Variants in PPIG observed in about 807,000 individuals in gnomAD.
PPIG encodes peptidyl-prolyl cis-trans isomerase G.
Under a neutral mutation model 87.9 loss-of-function variants are expected in PPIG, and 26 were observed. The observed-to-expected ratio is 0.30, with a 90% CI of 0.22 to 0.41. The LOEUF (loss-of-function observed/expected upper bound fraction) is 0.41, where lower values mean the gene tolerates loss of function less well. Among genes scored for constraint, PPIG ranks in the 10% least tolerant of loss-of-function variants. The pLI is 1.00. For missense variants in PPIG, 722 were observed against 879.4 expected (o/e 0.82, Z 2.26); for synonymous variants, 308 against 276.5 (o/e 1.11, Z -1.13).
At chr2:169,628,845 C>T (rs1011988772) in intron 9 of PPIG, among the ~76,000 whole-genome samples, 5 of 149,648 alleles carry the variant, frequency 3.3e-5, no homozygotes, top group African/African-American at 9.9e-5. Context: ...ACTCAGGAGG[C>T]CGAGACAGAA....
At chr2:169,614,342 C>T in intron 7 of PPIG, 122 bp from the exon 8 acceptor site, 2 of 840,422 alleles carry the variant, frequency 2.4e-6, no homozygotes, top group Non-Finnish European at 1.9e-6. Flanking sequence ...ATTAAGATAG[C>T]AGTTGATGTC....
At chr2:169,590,125 C>T (rs1425199563) in intron 1 of PPIG, among the ~76,000 whole-genome samples, 1 of 103,522 alleles carries the variant, frequency 9.7e-6, no homozygotes, top group Non-Finnish European at 2.0e-5. Flanking sequence ...ACAACGACAA[C>T]AACCAAAAAA....
At chr2:169,636,061 A>C (rs761386927) in intron 12 of PPIG, 31 bp from the exon 13 acceptor site, 1 of 1,549,970 alleles carries the variant, frequency 6.5e-7, no homozygotes, top group Admixed American at 1.8e-5. Flanking sequence ...ACTTCTATAC[A>C]TTAATTTTTC....
At chr2:169,626,487 A>AG (rs1275146328) in intron 9 of PPIG, among the ~76,000 whole-genome samples, 1 of 151,346 alleles carries the variant, frequency 6.6e-6, no homozygotes. Context: ...TCCGCCTCCC[A>AG]GTTCAAGAGA....
At chr2:169,620,346 A>C (rs1001516744) in intron 9 of PPIG, among the ~76,000 whole-genome samples, 1 of 151,424 alleles carries the variant, frequency 6.6e-6, no homozygotes, top group Admixed American at 6.6e-5. Context: ...TCCTTTCCCC[A>C]TTGTGTGTTC....
rs1191207337 is a variant in PPIG at position 169,631,870 on chromosome 2, A to G, written c.866A>G (p.Lys289Arg). 1.9e-6 allele frequency: 3 copies of G among 1,612,338 alleles called. No individual in the cohort carries two copies. The highest frequency in any genetic ancestry group is 2.5e-6 in the Non-Finnish European group (3 of 1,178,700). Residue 289 changes from lysine (K) to arginine (R), a missense_variant, in exon 11 of 14, where the codon AAA (lysine) becomes AGA (arginine). This residue lies in a region of PPIG where 142 missense variants were observed against 152.8 expected (regional missense o/e 0.93). Transcript: ENST00000260970. ...CCTGAAAATAGATTCCTAATGAGAAAAAGTCCTCCTAAAGCTGATGAGAAG... is the reference window on the plus strand; with the variant it reads ...CCTGAAAATAGATTCCTAATGAGAAGAAGTCCTCCTAAAGCTGATGAGAAG... The part of the protein sequence containing the change: ...PIPENRFLMR[K>R]SPPKADEKER...
intron 6 of PPIG, among the ~76,000 whole-genome samples, chr2:169,608,470 A>G (rs55888182): frequency 0.034 from 5,091 of 151,906 alleles, 134 homozygotes; most frequent in South Asian, 0.049. Flanking sequence ...AGCCTGGGCA[A>G]CAGAGCGAGA....
At chr2:169,609,688 A>G (rs1396286552) in intron 7 of PPIG, among the ~76,000 whole-genome samples, 1 of 152,158 alleles carries the variant, frequency 6.6e-6, no homozygotes, top group Admixed American at 6.5e-5. Context: ...ATGATTAAAT[A>G]ATGAGAGAGA....
chr2:169,590,880 G>A (rs1012042738), intron 1 of PPIG, among the ~76,000 whole-genome samples: 15 of 152,056 alleles, frequency 9.9e-5, no homozygotes, highest in African/African-American at 2.2e-4. Context: ...GGTGGCTCAC[G>A]CCTTTAGTCC....
rs1376297572 is a variant in PPIG at position 169,613,834 on chromosome 2, G to C, written c.378-630G>C. Among the ~76,000 whole-genome samples the C allele has an allele frequency of 5.3e-5, 8 of 152,204 alleles. 1 individual carries two copies. The highest frequency in any genetic ancestry group is 1.3e-4 in the Admixed American group (2 of 15,282). ...CCAGCTACTTGGGATGCTGAGGCAG[G>C]AGGATAGCTTGAGCCCAGAATGTTC... is the stretch of plus-strand genomic sequence containing the variant. On this transcript the variant is annotated intron_variant, in intron 7 of 13. Coordinates refer to ENST00000260970, the MANE Select transcript of PPIG (RefSeq NM_004792.3).
rs73025328 is a variant in PPIG at position 169,630,081 on chromosome 2, C to G, written c.548-693C>G. ...CAATTTGTAGTATCTTCTTCTAATT[C>G]TTGTTATGTTACACCTTCTAGCTTC... On this transcript the variant is annotated intron_variant, in intron 9 of 13. Transcript: ENST00000260970. Among the ~76,000 whole-genome samples the G allele has an allele frequency of 3.2e-3, 481 of 151,586 alleles. 3 individuals are homozygous for G. The highest frequency in any genetic ancestry group is 0.011 in the African/African-American group (462 of 41,392).
chr2:169,631,959 T>C, intron 11 of PPIG, 26 bp downstream of exon 11: 1 of 1,547,394 alleles, frequency 6.5e-7, no homozygotes, highest in Non-Finnish European at 8.8e-7. Flanking sequence ...TATTTTGCCT[T>C]ACATGGTTTA....
chr2:169,610,324 C>T (rs1391169680), intron 7 of PPIG, among the ~76,000 whole-genome samples: 1 of 152,100 alleles, frequency 6.6e-6, no homozygotes, highest in African/African-American at 2.4e-5. Context: ...TCCTTATTTT[C>T]GTTTTTAGAC....
intron 1 of PPIG, among the ~76,000 whole-genome samples, chr2:169,594,734 C>T (rs1418512469): frequency 1.3e-5 from 2 of 150,110 alleles, no homozygotes; most frequent in East Asian, 2.0e-4. Context: ...AAGAGATTCT[C>T]CTGTCCCAGC....
chr2:169,586,832 A>G (rs1033278643), intron 1 of PPIG, among the ~76,000 whole-genome samples: 2 of 152,240 alleles, frequency 1.3e-5, no homozygotes, highest in Admixed American at 6.5e-5. Flanking sequence ...ATCCCAGTGT[A>G]CTAAGATGTC....
At position 169,641,219 on chromosome 2, in the gene PPIG, T is replaced by A. The variant is rs1344676412; in HGVS notation, c.*3696T>A. The stretch of plus-strand genomic sequence containing the variant: ...AAAAGTCACTGTGATTATATTTTTT[T>A]AATGAAGTTTAGAAAAAAAGCTGTT... On this transcript the variant is annotated 3_prime_UTR_variant, in exon 14 of 14. Coordinates refer to ENST00000260970, the MANE Select transcript of PPIG (RefSeq NM_004792.3). 5 of 152,194 alleles carry A rather than the reference T, an allele frequency of 3.3e-5. No individual in the cohort carries two copies. The highest frequency in any genetic ancestry group is 2.0e-4 in the Admixed American group (3 of 15,272). The allele number at this position is 152,194 out of a possible 1,614,324, so 9.4% of individuals were successfully genotyped here.
At chr2:169,600,849 T>C (rs1452957204) in intron 1 of PPIG, among the ~76,000 whole-genome samples, 2 of 152,206 alleles carry the variant, frequency 1.3e-5, no homozygotes, top group Non-Finnish European at 2.9e-5. Flanking sequence ...CTATTTTGTT[T>C]TACTGTGCAG....
intron 9 of PPIG, among the ~76,000 whole-genome samples, chr2:169,619,697 T>TC (rs1169957939): frequency 6.6e-6 from 1 of 152,134 alleles, no homozygotes; most frequent in African/African-American, 2.4e-5. Flanking sequence ...CGATTTACAT[T>TC]CCCACCAACA....
intron 9 of PPIG, among the ~76,000 whole-genome samples, chr2:169,621,382 G>A (rs1442502812): frequency 6.6e-6 from 1 of 151,896 alleles, no homozygotes; most frequent in East Asian, 1.9e-4. Flanking sequence ...GTAAGTTATT[G>A]CAATAAATTA....
Sources: gnomAD v4.1 joint callset for allele counts (sites outside exome capture counted in the v4.1 genomes callset) on GRCh38, gnomAD v4.1.1 for gene constraint, gnomAD v4.1.1 regional missense constraint, MANE v1.5 for transcripts, NCBI Gene and HGNC (gene_info 2026-07-23, HGNC 2026-07-21) for gene names.